The following DLGAP2 variants were observed in gnomAD, a reference collection of about 807,000 sequenced individuals.
The protein encoded by DLGAP2 is disks large-associated protein 2.
DLGAP2 carries 26 observed loss-of-function variants against 100.3 expected under a neutral mutation model. The ratio of observed to expected loss-of-function variants is 0.26; its 90% CI spans 0.19 to 0.36. DLGAP2 has a LOEUF of 0.36. DLGAP2 is among the 10% of genes least tolerant of loss of function. The probability of loss-of-function intolerance (pLI) is 1.00; values close to 1 mark genes in which losing one functional copy is unlikely to be tolerated. For synonymous variants in DLGAP2, 886 were observed against 630.1 expected (o/e 1.41, Z -6.08); for missense variants, 1,858 against 1,453.2 (o/e 1.28, Z -4.53).
At chr8:1,286,658 C>G (rs1221486914) in intron 3 of DLGAP2, among the ~76,000 whole-genome samples, 6 of 152,184 alleles carry the variant, frequency 3.9e-5, no homozygotes, top group African/African-American at 1.4e-4. Flanking sequence ...GGCTGTACAG[C>G]ATCTCACACT....
At chr8:1,151,784 G>A (rs1047439525) in intron 2 of DLGAP2, among the ~76,000 whole-genome samples, 19 of 152,244 alleles carry the variant, frequency 1.2e-4, no homozygotes, top group Admixed American at 2.6e-4. Flanking sequence ...CTGTTTACAC[G>A]AACTACTCTT....
intron 2 of DLGAP2, among the ~76,000 whole-genome samples, chr8:1,192,116 C>T (rs1294650968): frequency 2.0e-5 from 3 of 152,108 alleles, no homozygotes; most frequent in African/African-American, 7.2e-5. Flanking sequence ...AGATGGCTTT[C>T]TCCTCTCGTA....
At chr8:1,125,583 G>C (rs1484518843) in intron 2 of DLGAP2, among the ~76,000 whole-genome samples, 1 of 152,130 alleles carries the variant, frequency 6.6e-6, no homozygotes. Flanking sequence ...GATCTAATCT[G>C]ATTCAAATCT....
rs1221329554 is a variant in DLGAP2, at chr8:770,590, G to C, written c.18+32765G>C. Reference sequence around the variant, plus strand: ...GGTGTCTCCTTGGCAGTTTCTGTGGGCTCCGAACAATTTCTAAGCATGCAC... The same window carrying C: ...GGTGTCTCCTTGGCAGTTTCTGTGGCCTCCGAACAATTTCTAAGCATGCAC... On this transcript the variant is annotated intron_variant, in intron 1 of 14. Coordinates refer to ENST00000637795, the MANE Select transcript of DLGAP2 (RefSeq NM_001346810.2). 3.9e-5 allele frequency among the ~76,000 whole-genome samples: 6 copies of C among 152,114 alleles called. No individual in the cohort carries two copies. In the East Asian group the frequency reaches 1.2e-3, roughly 29 times the overall value.
chr8:1,311,269 G>A (rs183100334), intron 3 of DLGAP2, among the ~76,000 whole-genome samples: 6 of 152,230 alleles, frequency 3.9e-5, no homozygotes, highest in South Asian at 4.1e-4. Context: ...ATAAGAGATC[G>A]AATCTATAAT....
chr8:1,151,092 T>C (rs1796689173), intron 2 of DLGAP2, among the ~76,000 whole-genome samples: 1 of 152,232 alleles, frequency 6.6e-6, no homozygotes, highest in Non-Finnish European at 1.5e-5. Flanking sequence ...GATATTTCAT[T>C]AACATTTTTT....
intron 3 of DLGAP2, among the ~76,000 whole-genome samples, chr8:1,449,790 G>C (rs889045768): frequency 7.1e-6 from 1 of 141,784 alleles, no homozygotes; most frequent in African/African-American, 2.6e-5. Context: ...GAGCCGTGCT[G>C]CACTGGGCTG....
intron 3 of DLGAP2, among the ~76,000 whole-genome samples, chr8:1,491,803 A>T (rs1352715432): frequency 6.6e-6 from 1 of 152,200 alleles, no homozygotes; most frequent in African/African-American, 2.4e-5. Context: ...TTTTTTTCCG[A>T]GTCCAGAAAA....
At chr8:1,359,294 G>A (rs994525330) in intron 3 of DLGAP2, among the ~76,000 whole-genome samples, 8 of 152,218 alleles carry the variant, frequency 5.3e-5, no homozygotes, top group Admixed American at 4.6e-4. Context: ...GTCCTCAGGC[G>A]GTCCATGCGC....
chr8:834,432 G>C (rs1174770591), intron 1 of DLGAP2, among the ~76,000 whole-genome samples: 1 of 152,228 alleles, frequency 6.6e-6, no homozygotes, highest in Non-Finnish European at 1.5e-5. Flanking sequence ...GCATGCGCCT[G>C]CGTTCCTCAG....
intron 3 of DLGAP2, among the ~76,000 whole-genome samples, chr8:1,432,108 G>A (rs7011135): frequency 0.22 from 33,942 of 151,572 alleles, 4,243 homozygotes; most frequent in Middle Eastern, 0.29. Context: ...GCCATCCATC[G>A]GGGCTGAACT....
At chr8:1,132,337 G>T (rs532761751) in intron 2 of DLGAP2, among the ~76,000 whole-genome samples, 2 of 152,242 alleles carry the variant, frequency 1.3e-5, no homozygotes, top group South Asian at 2.1e-4. Flanking sequence ...CTGAAGCATT[G>T]CCTGGAGATG....
intron 4 of DLGAP2, among the ~76,000 whole-genome samples, chr8:1,528,132 C>T (rs892487530): frequency 6.6e-6 from 1 of 152,214 alleles, no homozygotes; most frequent in African/African-American, 2.4e-5. Flanking sequence ...GCCTCCACCC[C>T]GTCGGACGCA....
At chr8:1,209,521 T>C (rs1444017032) in intron 2 of DLGAP2, among the ~76,000 whole-genome samples, 2 of 152,232 alleles carry the variant, frequency 1.3e-5, no homozygotes, top group African/African-American at 2.4e-5. Flanking sequence ...TGAATCATTT[T>C]CATAAATACA....
rs1020185550 is a variant in DLGAP2 at position 1,626,973 on chromosome 8, G to C, written c.1590+86G>C. On this transcript the variant is annotated intron_variant, in intron 7 of 14. Coordinates refer to ENST00000637795, the MANE Select transcript of DLGAP2 (RefSeq NM_001346810.2). ...GGCCCCGGCCGCATAGGTGGCGATG[G>C]CGCTGCCCTCCTGGTCAGCAGCACT... 21 of 1,477,612 alleles carry C rather than the reference G, an allele frequency of 1.4e-5. No homozygotes were observed. In the African/African-American group the frequency reaches 2.8e-4, roughly 20 times the overall value. 91.5% of individuals were successfully genotyped at this position (1,477,612 alleles called of 1,614,324 possible). A position where few individuals can be genotyped will look rare whatever the true frequency, so the allele number is the denominator to read the frequency against.
chr8:1,139,206 CG>C (rs1796478504), intron 2 of DLGAP2, among the ~76,000 whole-genome samples: 2 of 152,052 alleles, frequency 1.3e-5, no homozygotes, highest in Non-Finnish European at 2.9e-5. Context: ...GTGCACAGGG[CG>C]GGGGGAGCTC....
In DLGAP2 at chr8:1,118,910, G is replaced by C. The variant is rs7842241; in HGVS notation, c.74-139941G>C. ...TTTAAATTTATGGGACTAGGTGAGT[G>C]TTATTTTGTGAGACATAGCATTATG... On this transcript the variant is annotated intron_variant, in intron 2 of 14. Coordinates refer to ENST00000637795, the MANE Select transcript of DLGAP2 (RefSeq NM_001346810.2). Among the ~76,000 whole-genome samples the C allele has an allele frequency of 2.0e-5, 3 of 152,046 alleles. No homozygotes were observed. The East Asian group carries it at 5.8e-4, about 29-fold the overall frequency.
At chr8:806,288 G>A (rs1796268154) in intron 1 of DLGAP2, among the ~76,000 whole-genome samples, 1 of 152,174 alleles carries the variant, frequency 6.6e-6, no homozygotes, top group African/African-American at 2.4e-5. Flanking sequence ...CATGGCGCTG[G>A]GTCTCAAGGT....
intron 3 of DLGAP2, among the ~76,000 whole-genome samples, chr8:1,344,114 T>TTCGGGGCCCTATCGTGGGTCCGTGTAC (rs1801487442): frequency 2.7e-5 from 1 of 36,894 alleles, no homozygotes; most frequent in Admixed American, 4.0e-4. Context: ...GGTCCATGTA[T>TTCGGGGCCCTATCGTGGGTCCGTGTAC]TCGGGGCCCT....
Sources: gnomAD v4.1 joint callset for allele counts (sites outside exome capture counted in the v4.1 genomes callset) on GRCh38, gnomAD v4.1.1 for gene constraint, MANE v1.5 for transcripts, NCBI Gene and HGNC (gene_info 2026-07-23, HGNC 2026-07-21) for gene names.